The following XPNPEP3 variants were observed in gnomAD, a reference collection of about 807,000 sequenced individuals.
The protein encoded by XPNPEP3 is X-prolyl aminopeptidase 3.
A neutral mutation model predicts 60.0 loss-of-function variants in XPNPEP3; 41 were observed. That is an observed-to-expected ratio of 0.68 (90% CI 0.53 to 0.89). The LOEUF is 0.89. XPNPEP3 is among the 40% of genes least tolerant of loss of function. The probability of loss-of-function intolerance (pLI) is 0.00; values close to 1 mark genes in which losing one functional copy is unlikely to be tolerated. For missense variants in XPNPEP3, 598 were observed against 638.9 expected (o/e 0.94, Z 0.69); for synonymous variants, 212 against 223.2 (o/e 0.95, Z 0.45).
At chr22:40,889,983 T>TTGGTATATA (rs2058082841) in intron 4 of XPNPEP3, among the ~76,000 whole-genome samples, 11 of 152,356 alleles carry the variant, frequency 7.2e-5, no homozygotes, top group Admixed American at 3.3e-4. Context: ...TTTTCTGCAC[T>TTGGTATATA]TCATGGTATA....
chr22:40,905,768 T>G (rs1396549638), intron 4 of XPNPEP3, among the ~76,000 whole-genome samples: 2 of 152,160 alleles, frequency 1.3e-5, no homozygotes, highest in African/African-American at 4.8e-5. Context: ...GCAATGCCGT[T>G]CAACCTCATA....
At chr22:40,875,296 A>G (rs2058023598) in intron 2 of XPNPEP3, among the ~76,000 whole-genome samples, 1 of 152,096 alleles carries the variant, frequency 6.6e-6, no homozygotes, top group Admixed American at 6.6e-5. Context: ...CAGTTTCCCA[A>G]GTAGCTAGGA....
intron 4 of XPNPEP3, among the ~76,000 whole-genome samples, chr22:40,891,980 G>C (rs1663281590): frequency 6.6e-6 from 1 of 152,136 alleles, no homozygotes; most frequent in South Asian, 2.1e-4. Flanking sequence ...TTTAAATTAA[G>C]ATATCTGTAA....
Position 40,930,417 on chromosome 22 carries a change from C to T in XPNPEP3, c.*3982C>T, listed in dbSNP as rs998183140. 4 of 152,114 alleles carry T rather than the reference C, an allele frequency of 2.6e-5. No homozygotes were observed. The highest frequency in any genetic ancestry group is 9.7e-5 in the African/African-American group (4 of 41,422). 9.4% of individuals were successfully genotyped at this position (152,114 alleles called of 1,614,324 possible). A position where few individuals can be genotyped will look rare whatever the true frequency, so the allele number is the denominator to read the frequency against. ...GTGCTGGGATTACAGGCGTGAGCCACTGCACCCAGCCTTTTTAAAGTTTTT... is the reference window on the plus strand; with the variant it reads ...GTGCTGGGATTACAGGCGTGAGCCATTGCACCCAGCCTTTTTAAAGTTTTT... On this transcript the variant is annotated 3_prime_UTR_variant, in exon 10 of 10. Transcript: ENST00000357137.
intron 7 of XPNPEP3, among the ~76,000 whole-genome samples, chr22:40,920,723 T>C (rs557435410): frequency 6.6e-6 from 1 of 152,324 alleles, no homozygotes; most frequent in South Asian, 2.1e-4. Flanking sequence ...TCCCACACCA[T>C]AAATATTCAT....
At chr22:40,861,361 C>G (rs1209712510) in intron 1 of XPNPEP3, 2 of 1,613,986 alleles carry the variant, frequency 1.2e-6, no homozygotes, top group Non-Finnish European at 1.7e-6. Flanking sequence ...TCTTCAGCTT[C>G]TCTTTCTTGA....
chr22:40,922,186 G>A, intron 7 of XPNPEP3, 147 bp from the exon 8 acceptor site: 1 of 871,426 alleles, frequency 1.1e-6, no homozygotes, highest in Admixed American at 2.4e-5. Flanking sequence ...TTGAGCTCCT[G>A]GCCATATTGA....
At position 40,932,505 on chromosome 22, in the gene XPNPEP3, A is replaced by T. The variant is rs998529327; in HGVS notation, c.*6070A>T. The T allele has an allele frequency of 2.6e-5, 4 of 152,122 alleles. No individual in the cohort carries two copies. Among genetic ancestry groups the T allele is most frequent in the African/African-American group, 4.8e-5 (2 of 41,434 alleles). 9.4% of individuals were successfully genotyped at this position (152,122 alleles called of 1,614,324 possible). A position where few individuals can be genotyped will look rare whatever the true frequency, so the allele number is the denominator to read the frequency against. ...GCAGAATTTCACTGTTACAAACCACATGGGTTCTCCTGGTTGTGCTGCTGT... is the reference window on the plus strand; with the variant it reads ...GCAGAATTTCACTGTTACAAACCACTTGGGTTCTCCTGGTTGTGCTGCTGT... On this transcript the variant is annotated 3_prime_UTR_variant, in exon 10 of 10. Transcript: ENST00000357137.
intron 3 of XPNPEP3, among the ~76,000 whole-genome samples, chr22:40,884,455 G>A (rs868725167): frequency 6.7e-6 from 1 of 150,214 alleles, no homozygotes; most frequent in African/African-American, 2.5e-5. Flanking sequence ...TCAGCCTCCC[G>A]TGTAGCTGGG....
At position 40,898,505 on chromosome 22, in the gene XPNPEP3, G is replaced by A. The variant is rs533278434; in HGVS notation, c.793-9082G>A. 7.1e-4 allele frequency among the ~76,000 whole-genome samples: 94 copies of A among 131,512 alleles called. 2 individuals carry two copies. Among genetic ancestry groups the A allele is most frequent in the Admixed American group, 3.2e-3 (45 of 14,212 alleles). 86.3% of individuals were successfully genotyped at this position (131,512 alleles called of 152,430 possible). A position where few individuals can be genotyped will look rare whatever the true frequency, so the allele number is the denominator to read the frequency against. On this transcript the variant is annotated intron_variant, in intron 4 of 9. Coordinates refer to ENST00000357137, the MANE Select transcript of XPNPEP3 (RefSeq NM_022098.4). ...CCTGACCTCATGATCCACCCGCCTC[G>A]GCCTCCCAAAGTGCTGGGATTACAG...
chr22:40,877,117 C>T (rs556103703), intron 2 of XPNPEP3, among the ~76,000 whole-genome samples: 1 of 152,268 alleles, frequency 6.6e-6, no homozygotes, highest in Admixed American at 6.5e-5. Flanking sequence ...CATACAGAAT[C>T]ATAATATGTA....
In XPNPEP3 at chr22:40,914,239, G is replaced by C; in HGVS notation, c.970G>C (p.Asp324His). ...HYVKNNQLIK[D>H]GEMVLLDGGC... ...TTTAACCTGTCTTACTTTGTTCCAGGATGGGGAAATGGTGCTTCTGGATGG... is the reference window on the plus strand; with the variant it reads ...TTTAACCTGTCTTACTTTGTTCCAGCATGGGGAAATGGTGCTTCTGGATGG... Residue 324 changes from aspartate (D) to histidine (H), a missense_variant and splice_region_variant, in exon 7 of 10, where the codon GAT becomes CAT. Transcript: ENST00000357137. 1 of 1,613,878 alleles carries C rather than the reference G, an allele frequency of 6.2e-7. No homozygotes were observed. The highest frequency in any genetic ancestry group is 8.5e-7 in the Non-Finnish European group (1 of 1,179,866).
intron 4 of XPNPEP3, among the ~76,000 whole-genome samples, chr22:40,893,666 G>T (rs1318047822): frequency 1.3e-5 from 2 of 151,734 alleles, no homozygotes; most frequent in Non-Finnish European, 2.9e-5. Flanking sequence ...GCCCTGGCTG[G>T]AGTGCAATGG....
At chr22:40,878,451 T>C (rs1383393310) in intron 2 of XPNPEP3, among the ~76,000 whole-genome samples, 3 of 152,184 alleles carry the variant, frequency 2.0e-5, no homozygotes, top group Non-Finnish European at 4.4e-5. Context: ...TTCCAAATAA[T>C]TTTCTTGTTT....
intron 1 of XPNPEP3, chr22:40,861,010 G>C (rs2145765155): frequency 6.7e-7 from 1 of 1,500,916 alleles, no homozygotes; most frequent in East Asian, 2.3e-5. Flanking sequence ...CAAAATTTGT[G>C]ATTAACCAAA....
intron 1 of XPNPEP3, chr22:40,861,056 A>G: frequency 6.4e-7 from 1 of 1,568,736 alleles, no homozygotes; most frequent in Non-Finnish European, 8.6e-7. Context: ...ATATATTTGA[A>G]GAGTCAATTT....
chr22:40,861,478 A>G, intron 1 of XPNPEP3: 1 of 1,614,176 alleles, frequency 6.2e-7, no homozygotes, highest in Non-Finnish European at 8.5e-7. Context: ...AAAGCCAGGG[A>G]AGAGAAAGAA....
intron 4 of XPNPEP3, among the ~76,000 whole-genome samples, chr22:40,899,604 G>A (rs1029685268): frequency 3.9e-5 from 6 of 152,074 alleles, no homozygotes; most frequent in South Asian, 2.1e-4. Flanking sequence ...GGTGGATCAC[G>A]AGGTCAAGAG....
rs1187909319 is a variant in XPNPEP3, at chr22:40,926,277, A to G, written c.1366A>G (p.Ile456Val). The part of the protein sequence containing the change: ...MVITIEPGIY[I>V]PEDDKDAPEK... ...TTCTTTCTACTTCACAGGCATTTAT[A>G]TTCCAGAGGATGACAAAGATGCCCC... is the stretch of plus-strand genomic sequence containing the variant. The change falls in exon 10 of 10, where the codon ATT becomes GTT. Residue 456 changes from isoleucine to valine, a missense_variant. Transcript: ENST00000357137. 1 of 1,614,150 alleles carries G rather than the reference A, an allele frequency of 6.2e-7. No individual in the cohort carries two copies.
Sources: gnomAD v4.1 joint callset for allele counts (sites outside exome capture counted in the v4.1 genomes callset) on GRCh38, gnomAD v4.1.1 for gene constraint, MANE v1.5 for transcripts, NCBI Gene and HGNC (gene_info 2026-07-23, HGNC 2026-07-21) for gene names.